RTKN: variants seen among roughly 807,000 people sequenced by gnomAD.
RTKN encodes rhotekin.
RTKN carries 49 observed loss-of-function variants against 63.5 expected under a neutral mutation model. That is an observed-to-expected ratio of 0.77 (90% CI 0.61 to 0.98). The LOEUF (loss-of-function observed/expected upper bound fraction) is 0.98. Ranked by LOEUF, RTKN falls within the 50% of genes least tolerant of loss-of-function variation. The pLI, the probability that RTKN is intolerant of heterozygous loss-of-function variation, is 0.00. For synonymous variants in RTKN, 295 were observed against 290.4 expected (o/e 1.02, Z -0.16); for missense variants, 685 against 740.8 (o/e 0.92, Z 0.87).
chr2:74,433,073 C>G (rs1027838058), intron 1 of RTKN, among the ~76,000 whole-genome samples: 1 of 152,108 alleles, frequency 6.6e-6, no homozygotes, highest in Non-Finnish European at 1.5e-5. Flanking sequence ...GAAACCCCGT[C>G]TCTACTAAAA....
rs773722974 is a variant in RTKN, at chr2:74,427,486, G to T, written c.1193C>A (p.Thr398Lys). ...GDDEVTHTLQ[T>K]ESREALQSWM... The stretch of plus-strand genomic sequence containing the variant: ...GCTCTGCAGTGCTTCCCGACTTTCT[G>T]TCTGAAGGGTGTGTGTCACCTCATC... The change falls in exon 10 of 12, where the codon ACA becomes AAA. Residue 398 changes from threonine (T) to lysine (K), a missense_variant. By Grantham distance (78) the Thr-to-Lys change is moderately conservative (BLOSUM62 -1). Transcript: ENST00000272430. 2.5e-6 allele frequency: 4 copies of T among 1,614,200 alleles called. No homozygotes were observed. The Admixed American group carries it at 5.0e-5, about 20-fold the overall frequency.
intron 1 of RTKN, 116 bp from the exon 2 acceptor site, chr2:74,432,782 A>T: frequency 1.3e-6 from 1 of 788,080 alleles, no homozygotes; most frequent in South Asian, 1.7e-5. Context: ...CTAATGTTTT[A>T]GGCAGTTCAA....
In RTKN at chr2:74,427,251, A is replaced by C. The variant is rs202054055; in HGVS notation, c.1278T>G (p.Asp426Glu). The C allele has an allele frequency of 1.9e-4, 301 of 1,614,076 alleles. 1 individual carries two copies. Among genetic ancestry groups the C allele is most frequent in the Non-Finnish European group, 5.1e-5 (60 of 1,180,032 alleles). ...FDMSQWKQCC[D>E]EIMKIETPAP... ...CAGGAGTTTCAATTTTCATGATTTCATCACAGCACTGCTTCCATTGGCCTG... is the reference window on the plus strand; with the variant it reads ...CAGGAGTTTCAATTTTCATGATTTCCTCACAGCACTGCTTCCATTGGCCTG... Residue 426 changes from aspartate to glutamate, a missense_variant, in exon 11 of 12, where the codon GAT becomes GAG. Asp to Glu is a conservative substitution (Grantham distance 45). Transcript: ENST00000272430.
At chr2:74,435,062 A>G (rs1427144033) in intron 1 of RTKN, among the ~76,000 whole-genome samples, 1 of 152,092 alleles carries the variant, frequency 6.6e-6, no homozygotes, top group Non-Finnish European at 1.5e-5. Flanking sequence ...ATACACCCCA[A>G]ATTAAGAGAA....
chr2:74,441,636 A>G (rs997222957), intron 1 of RTKN, 70 bp downstream of exon 1: 382 of 1,089,654 alleles, frequency 3.5e-4, no homozygotes, highest in Non-Finnish European at 4.9e-4. Context: ...GGGCGAGGGA[A>G]GGAGGCCGAG....
intron 1 of RTKN, chr2:74,440,523 C>T (rs1158347037): frequency 1.1e-5 from 11 of 986,328 alleles, no homozygotes; most frequent in East Asian, 1.1e-4. Flanking sequence ...CCCACGGAGT[C>T]ACACTTCACT....
intron 1 of RTKN, among the ~76,000 whole-genome samples, chr2:74,434,671 C>T (rs1670957557): frequency 6.6e-6 from 1 of 152,222 alleles, no homozygotes; most frequent in Admixed American, 6.5e-5. Context: ...CCACCTCGGC[C>T]TCCCAAAGTG....
chr2:74,426,824 T>A, intron 11 of RTKN: 1 of 1,341,480 alleles, frequency 7.5e-7, no homozygotes, highest in Non-Finnish European at 9.5e-7. Context: ...CAGAGGTGGG[T>A]GAAGAAACCA....
intron 1 of RTKN, 111 bp downstream of exon 1, chr2:74,441,595 A>G: frequency 1.4e-6 from 1 of 739,492 alleles, no homozygotes; most frequent in Non-Finnish European, 2.3e-6. Context: ...TTGTACCCAG[A>G]CCGTGCGTCT....
In RTKN at chr2:74,428,319, A is replaced by G; in HGVS notation, c.1035T>C (p.Pro345=). 6.2e-7 allele frequency: 1 copy of G among 1,614,158 alleles called. No individual in the cohort carries two copies. Among genetic ancestry groups the G allele is most frequent in the Non-Finnish European group, 8.5e-7 (1 of 1,180,014 alleles). ...GCTCTTCCCCAGTGTCTGCATCCTCAGGTTGCCGGTAACAGAAGAGGTTTG... is the reference window on the plus strand; with the variant it reads ...GCTCTTCCCCAGTGTCTGCATCCTCGGGTTGCCGGTAACAGAAGAGGTTTG... ...KGTNLFCYRQ[P]EDADTGEEPL... The change falls in exon 9 of 12, where the codon CCT becomes CCC. Residue 345 remains proline, a synonymous_variant. Coordinates refer to ENST00000272430, the MANE Select transcript of RTKN (RefSeq NM_001015055.2).
At chr2:74,439,307 C>T (rs959541333) in intron 1 of RTKN, among the ~76,000 whole-genome samples, 1 of 152,212 alleles carries the variant, frequency 6.6e-6, no homozygotes, top group African/African-American at 2.4e-5. Context: ...GACATTTACA[C>T]TCACCCACAG....
intron 1 of RTKN, chr2:74,439,991 A>C (rs1426766402): frequency 9.3e-7 from 1 of 1,075,850 alleles, no homozygotes; most frequent in African/African-American, 1.6e-5. Flanking sequence ...TGGAAGAAAA[A>C]GGCCCTTTCA....
chr2:74,426,693 G>A (rs1670415556), intron 11 of RTKN, 119 bp from the exon 12 acceptor site: 2 of 1,421,028 alleles, frequency 1.4e-6, no homozygotes, highest in African/African-American at 1.4e-5. Flanking sequence ...GATCTCAGTG[G>A]AGATTGCGTT....
At chr2:74,432,277 G>T in intron 2 of RTKN, 190 bp downstream of exon 2, 1 of 714,256 alleles carries the variant, frequency 1.4e-6, no homozygotes, top group South Asian at 1.5e-5. Flanking sequence ...TCCTGCCCTG[G>T]CTACTCACAA....
In RTKN at chr2:74,426,409, T is replaced by C. The variant is rs1670394837; in HGVS notation, c.1526A>G (p.His509Arg). The C allele has an allele frequency of 6.2e-7, 1 of 1,610,376 alleles. No homozygotes were observed. The highest frequency in any genetic ancestry group is 8.5e-7 in the Non-Finnish European group (1 of 1,178,544). The change falls in exon 12 of 12, where the codon CAC becomes CGC. Residue 509 changes from histidine to arginine, a missense_variant. By Grantham distance (29) the His-to-Arg change is conservative (BLOSUM62 0). Coordinates refer to ENST00000272430, the MANE Select transcript of RTKN (RefSeq NM_001015055.2). ...TCGGGGTCTCCCCCAGGGCAGGGGG[T>C]GGGTCCAGTCTGGGGCTGGGGCCAC... ...ASVAPAPDWTHPLPWGRPRTF... is the reference protein window; with the variant it reads ...ASVAPAPDWTRPLPWGRPRTF...
intron 7 of RTKN, 33 bp downstream of exon 7, chr2:74,428,815 A>G: frequency 6.2e-7 from 1 of 1,605,054 alleles, no homozygotes; most frequent in South Asian, 1.1e-5. Context: ...TCACCATCAC[A>G]TGTGTATGTC....
chr2:74,435,210 A>G (rs1670989373), intron 1 of RTKN, among the ~76,000 whole-genome samples: 1 of 152,246 alleles, frequency 6.6e-6, no homozygotes. Flanking sequence ...CAGGATTCTC[A>G]GGAACATTCA....
At chr2:74,426,978 C>T (rs574995046) in intron 11 of RTKN, 191 bp downstream of exon 11, 1 of 985,324 alleles carries the variant, frequency 1.0e-6, no homozygotes, top group East Asian at 1.1e-4. Flanking sequence ...TTGTTTTGAA[C>T]TTTGGTGGAG....
rs1316927437 is a variant in RTKN at position 74,430,025 on chromosome 2, C to G, written c.558G>C (p.Gly186=). 6.2e-7 allele frequency: 1 copy of G among 1,614,214 alleles called. No homozygotes were observed. Among genetic ancestry groups the G allele is most frequent in the Non-Finnish European group, 8.5e-7 (1 of 1,180,034 alleles). The change falls in exon 6 of 12, where the codon GGG becomes GGC. Residue 186 remains glycine, a synonymous_variant. Coordinates refer to ENST00000272430, the MANE Select transcript of RTKN (RefSeq NM_001015055.2). ...GCTCTAACCGCAGTTCAAAGTCTGG[C>G]CCCGCCTCAGCGCTGGTGGGAGGAA... ...FQSNVLFAEA[G]PDFELRLELY... is the part of the protein sequence containing the mutation.
Sources: allele counts gnomAD v4.1 joint callset (sites outside exome capture counted in the v4.1 genomes callset), GRCh38; gene constraint gnomAD v4.1.1; transcripts MANE v1.5; gene names NCBI Gene and HGNC (gene_info 2026-07-23, HGNC 2026-07-21).